DOCK3: variants seen among roughly 807,000 people sequenced by gnomAD.
DOCK3 encodes dedicator of cytokinesis 3.
DOCK3 carries 60 observed loss-of-function variants against 265.6 expected under a neutral mutation model. The ratio of observed to expected loss-of-function variants is 0.23; its 90% CI spans 0.18 to 0.28. DOCK3 has a LOEUF of 0.28. DOCK3 is among the 10% of genes least tolerant of loss of function. The pLI is 1.00. For missense variants in DOCK3, 1,981 were observed against 2,594.3 expected, an observed-to-expected ratio of 0.76 and a Z score of 5.14; for synonymous variants, 881 against 938.0, an observed-to-expected ratio of 0.94 and a Z score of 1.11.
chr3:50,828,562 G>A (rs376704749), intron 2 of DOCK3, among the ~76,000 whole-genome samples: 2 of 151,482 alleles, frequency 1.3e-5, no homozygotes, highest in Admixed American at 6.6e-5. Context: ...CCACCACCAC[G>A]CCCAGCTAAT....
At position 51,315,120 on chromosome 3, in the gene DOCK3, T is replaced by A. The variant is rs969503417; in HGVS notation, c.3394T>A (p.Phe1132Ile). The A allele has an allele frequency of 5.0e-6, 8 of 1,608,710 alleles. No individual in the cohort carries two copies. The highest frequency in any genetic ancestry group is 1.3e-5 in the African/African-American group (1 of 74,798). The part of the protein sequence containing the change: ...MDWEQRKNGN[F>I]KQVEAELIDK... ...CTGGGAGCAGAGAAAAAATGGCAAC[T>A]TCAAACAGGTAAGACACCTGGCAGT... Residue 1132 changes from phenylalanine (F) to isoleucine (I), a missense_variant, in exon 32 of 53, where the codon TTC becomes ATC. Around this residue, in one of 4 missense-constraint regions of DOCK3, gnomAD observed 1,357 missense variants for 1,866.8 expected, o/e 0.73. Coordinates refer to ENST00000266037, the MANE Select transcript of DOCK3 (RefSeq NM_004947.5).
intron 27 of DOCK3, among the ~76,000 whole-genome samples, chr3:51,287,469 T>G (rs1165081905): frequency 6.6e-6 from 1 of 152,138 alleles, no homozygotes; most frequent in Non-Finnish European, 1.5e-5. Context: ...TAAGATTGCT[T>G]GGGCCCAGGA....
chr3:50,935,905 T>G (rs933289556), intron 5 of DOCK3, among the ~76,000 whole-genome samples: 1 of 152,180 alleles, frequency 6.6e-6, no homozygotes, highest in Non-Finnish European at 1.5e-5. Flanking sequence ...AGTATAATAA[T>G]GTTCAGGATA....
chr3:51,195,597 T>C (rs1345904873), intron 12 of DOCK3, among the ~76,000 whole-genome samples: 1 of 152,094 alleles, frequency 6.6e-6, no homozygotes, highest in African/African-American at 2.4e-5. Flanking sequence ...TTTGTATTTT[T>C]AATAGAGACG....
At chr3:51,271,105 C>T (rs1420286406) in intron 24 of DOCK3, 98 bp downstream of exon 24, 3 of 1,353,658 alleles carry the variant, frequency 2.2e-6, no homozygotes, top group Non-Finnish European at 3.0e-6. Context: ...TCAGTTTCCT[C>T]AACGATTATG....
intron 3 of DOCK3, among the ~76,000 whole-genome samples, chr3:50,842,094 A>G (rs748215039): frequency 2.0e-5 from 3 of 152,208 alleles, no homozygotes; most frequent in Non-Finnish European, 2.9e-5. Context: ...ATCCAATTAG[A>G]TATTTCTCTA....
intron 5 of DOCK3, among the ~76,000 whole-genome samples, chr3:51,009,003 C>T (rs563637223): frequency 7.2e-5 from 11 of 151,890 alleles, no homozygotes; most frequent in South Asian, 2.1e-4. Context: ...TTTGATGTGC[C>T]GCTGGATTTG....
chr3:50,929,520 C>T (rs778343451), intron 4 of DOCK3, among the ~76,000 whole-genome samples: 6 of 152,156 alleles, frequency 3.9e-5, no homozygotes, highest in Non-Finnish European at 8.8e-5. Flanking sequence ...CTTCTCATGT[C>T]ATTTTGAGCA....
intron 2 of DOCK3, chr3:50,788,368 T>A (rs1292330014): frequency 4.3e-6 from 1 of 232,762 alleles, no homozygotes; most frequent in Non-Finnish European, 8.3e-6. Flanking sequence ...ACTAAAATAT[T>A]TTTCCATCCC....
intron 5 of DOCK3, among the ~76,000 whole-genome samples, chr3:51,007,537 T>G (rs1177435487): frequency 6.6e-6 from 1 of 152,212 alleles, no homozygotes; most frequent in African/African-American, 2.4e-5. Flanking sequence ...GTCAGATGGG[T>G]AGATTGCAAA....
At chr3:51,023,909 C>G (rs1422715035) in intron 5 of DOCK3, among the ~76,000 whole-genome samples, 2 of 152,030 alleles carry the variant, frequency 1.3e-5, no homozygotes, top group Admixed American at 1.3e-4. Flanking sequence ...ATCTGGAGAG[C>G]TATTGTGACA....
intron 1 of DOCK3, among the ~76,000 whole-genome samples, chr3:50,770,140 T>C (rs1359511321): frequency 1.3e-5 from 2 of 152,172 alleles, no homozygotes; most frequent in Non-Finnish European, 2.9e-5. Context: ...AGGGCATCCC[T>C]GTTGGAAAGG....
chr3:50,997,514 T>G (rs2078327212), intron 5 of DOCK3, among the ~76,000 whole-genome samples: 1 of 152,190 alleles, frequency 6.6e-6, no homozygotes, highest in South Asian at 2.1e-4. Flanking sequence ...TGAATTTAAC[T>G]TATGTCTATA....
chr3:50,919,767 A>G (rs1306739237), intron 4 of DOCK3, among the ~76,000 whole-genome samples: 2 of 152,146 alleles, frequency 1.3e-5, no homozygotes, highest in Non-Finnish European at 2.9e-5. Context: ...GATTGCCCTG[A>G]CCAGAACTTC....
intron 9 of DOCK3, among the ~76,000 whole-genome samples, chr3:51,138,008 A>G (rs1196144371): frequency 6.6e-6 from 1 of 152,228 alleles, no homozygotes; most frequent in Non-Finnish European, 1.5e-5. Flanking sequence ...AGTAGATTCA[A>G]TCAGCATTTA....
chr3:51,113,710 T>C (rs1377111065), intron 9 of DOCK3, among the ~76,000 whole-genome samples: 1 of 152,210 alleles, frequency 6.6e-6, no homozygotes, highest in Non-Finnish European at 1.5e-5. Context: ...ATACTCAGAA[T>C]TTTCCTGTAT....
chr3:50,719,709 A>C, intron 1 of DOCK3: 1 of 1,452,580 alleles, frequency 6.9e-7, no homozygotes, highest in Non-Finnish European at 9.7e-7. Context: ...TGTATGCTTC[A>C]GAGTGAAGTT....
chr3:51,378,190 C>A (rs955805671), intron 51 of DOCK3, among the ~76,000 whole-genome samples: 1 of 152,202 alleles, frequency 6.6e-6, no homozygotes, highest in African/African-American at 2.4e-5. Flanking sequence ...CTGGCACACC[C>A]CTCCTTCCTG....
intron 5 of DOCK3, among the ~76,000 whole-genome samples, chr3:51,020,834 G>A (rs759167844): frequency 6.6e-6 from 1 of 151,834 alleles, no homozygotes; most frequent in African/African-American, 2.4e-5. Flanking sequence ...CTATGTGTCT[G>A]TTTTTGTATC....
Sources: allele counts gnomAD v4.1 joint callset (sites outside exome capture counted in the v4.1 genomes callset), GRCh38; gene constraint gnomAD v4.1.1; regional missense constraint gnomAD v4.1.1; transcripts MANE v1.5; gene names NCBI Gene and HGNC (gene_info 2026-07-23, HGNC 2026-07-21).